The following SMYD3 variants were observed in gnomAD, a reference collection of about 807,000 sequenced individuals.
SMYD3 encodes the protein histone-lysine N-methyltransferase SMYD3.
SMYD3 carries 36 observed loss-of-function variants against 57.7 expected under a neutral mutation model. That is an observed-to-expected ratio of 0.62 (90% confidence interval 0.48 to 0.82). The LOEUF is 0.82. Ranked by LOEUF, SMYD3 falls within the 40% of genes least tolerant of loss-of-function variation. The pLI, the probability that SMYD3 is intolerant of heterozygous loss-of-function variation, is 0.00. For missense variants in SMYD3, 515 were observed against 538.8 expected, an observed-to-expected ratio of 0.96 and a Z score of 0.44; for synonymous variants, 211 against 195.0, an observed-to-expected ratio of 1.08 and a Z score of -0.68.
In SMYD3 at chr1:246,485,189, G is replaced by A. The variant is rs113353606; in HGVS notation, c.164+21865C>T. On this transcript the variant is annotated intron_variant, in intron 1 of 11. Transcript: ENST00000490107. ...CTATTGCACTAGTTACACCTGAAAA[G>A]ACATCACCTCAACCAAAATACCTAA... Among the ~76,000 whole-genome samples, 179 of 135,694 alleles carry A rather than the reference G, an allele frequency of 1.3e-3. 1 individual carries two copies. The highest frequency in any genetic ancestry group is 1.4e-3 in the East Asian group (6 of 4,378). The allele number at this position is 135,694 out of a possible 152,430, so 89.0% of individuals were successfully genotyped here.
intron 5 of SMYD3, among the ~76,000 whole-genome samples, chr1:246,234,084 C>T (rs1277301308): frequency 1.7e-4 from 19 of 114,632 alleles, no homozygotes; most frequent in East Asian, 1.1e-3. Context: ...CTTCAATTCA[C>T]ACTGTGATGA....
intron 1 of SMYD3, among the ~76,000 whole-genome samples, chr1:246,454,825 T>C (rs1380100829): frequency 2.0e-5 from 3 of 152,186 alleles, no homozygotes; most frequent in Non-Finnish European, 4.4e-5. Flanking sequence ...TAAGGGCAGC[T>C]GTTTAACAAT....
Position 245,997,189 on chromosome 1 carries a change from C to T in SMYD3, c.532-67252G>A, listed in dbSNP as rs149684656. Among the ~76,000 whole-genome samples the T allele has an allele frequency of 1.0e-2, 1,518 of 152,298 alleles. 35 individuals are homozygous for T. Among genetic ancestry groups the T allele is most frequent in the African/African-American group, 0.034 (1,426 of 41,562 alleles). Reference sequence around the variant, plus strand: ...ATTTAATGATGCCAAATATGGGGAACCCCTTTAGGGAGAGAAGCAAAAGGA... The same window carrying T: ...ATTTAATGATGCCAAATATGGGGAATCCCTTTAGGGAGAGAAGCAAAAGGA... On this transcript the variant is annotated intron_variant, in intron 5 of 11. Transcript: ENST00000490107.
chr1:245,813,412 G>A (rs1413450723), intron 10 of SMYD3, among the ~76,000 whole-genome samples: 2 of 152,176 alleles, frequency 1.3e-5, no homozygotes, highest in Non-Finnish European at 2.9e-5. Context: ...TGCAAGCACA[G>A]CAGCTGGCCT....
In SMYD3 at chr1:245,764,096, C is replaced by T; in HGVS notation, c.1130G>A (p.Gly377Asp). ...CATGCCTTGATGTAGCTGCAGTTTG[C>T]CAACTTTCATCACTTGAACCCCTCT... is the stretch of plus-strand genomic sequence containing the variant. ...PVRGVQVMKVGKLQLHQGMFP... is the reference protein window; with the variant it reads ...PVRGVQVMKVDKLQLHQGMFP... Residue 377 changes from glycine to aspartate, a missense_variant, in exon 11 of 12, where the codon GGC (glycine) becomes GAC (aspartate). Gly to Asp is a moderately conservative substitution (Grantham distance 94). Coordinates refer to ENST00000490107, the MANE Select transcript of SMYD3 (RefSeq NM_001167740.2). 1 of 1,614,046 alleles carries T rather than the reference C, an allele frequency of 6.2e-7. No homozygotes were observed. The highest frequency in any genetic ancestry group is 8.5e-7 in the Non-Finnish European group (1 of 1,179,984).
At chr1:245,963,082 G>T (rs1013380056) in intron 5 of SMYD3, among the ~76,000 whole-genome samples, 3 of 152,112 alleles carry the variant, frequency 2.0e-5, no homozygotes, top group African/African-American at 4.8e-5. Flanking sequence ...GATCTGGTAT[G>T]TAAGAAGCTT....
intron 5 of SMYD3, among the ~76,000 whole-genome samples, chr1:246,128,357 G>A (rs1038995031): frequency 6.6e-6 from 1 of 152,188 alleles, no homozygotes; most frequent in South Asian, 2.1e-4. Flanking sequence ...TCTATGAGGG[G>A]AGGAACTGTT....
intron 1 of SMYD3, among the ~76,000 whole-genome samples, chr1:246,394,034 G>A (rs1304865719): frequency 6.6e-6 from 1 of 152,102 alleles, no homozygotes; most frequent in Non-Finnish European, 1.5e-5. Context: ...AGAAAATAAA[G>A]AAAACCTAAT....
At chr1:245,812,715 A>AAG (rs1553330499) in intron 10 of SMYD3, among the ~76,000 whole-genome samples, 22 of 150,558 alleles carry the variant, frequency 1.5e-4, no homozygotes, top group Non-Finnish European at 2.8e-4. Context: ...AAAAAAAAAA[A>AAG]AGAGAAAGAG....
chr1:245,967,183 A>G (rs1280826975), intron 5 of SMYD3, among the ~76,000 whole-genome samples: 1 of 152,136 alleles, frequency 6.6e-6, no homozygotes, highest in East Asian at 1.9e-4. Flanking sequence ...CACAATTCTT[A>G]TTCTTACATG....
intron 10 of SMYD3, among the ~76,000 whole-genome samples, chr1:245,826,722 C>T (rs2049519263): frequency 6.6e-6 from 1 of 152,078 alleles, no homozygotes; most frequent in African/African-American, 2.4e-5. Flanking sequence ...GCTGGGGAGG[C>T]CTCAGGAAAC....
At chr1:246,327,017 T>A (rs1408588493) in intron 5 of SMYD3, 184 bp downstream of exon 5, 8 of 651,080 alleles carry the variant, frequency 1.2e-5, no homozygotes, top group Non-Finnish European at 1.8e-5. Context: ...ACAGAAAAAT[T>A]CATACCCTTC....
intron 5 of SMYD3, among the ~76,000 whole-genome samples, chr1:246,248,888 C>T: frequency 7.0e-6 from 1 of 142,748 alleles, no homozygotes; most frequent in South Asian, 2.3e-4. Flanking sequence ...AATCTCCTGA[C>T]CTCGTGACCC....
chr1:246,345,409 G>A (rs900665045), intron 2 of SMYD3, among the ~76,000 whole-genome samples: 1 of 152,056 alleles, frequency 6.6e-6, no homozygotes, highest in Non-Finnish European at 1.5e-5. Context: ...TCTGAATACA[G>A]GTTGAGTATG....
chr1:246,376,647 T>C (rs1470295872), intron 1 of SMYD3, among the ~76,000 whole-genome samples: 1 of 145,058 alleles, frequency 6.9e-6, no homozygotes, highest in Non-Finnish European at 1.5e-5. Flanking sequence ...AACATTACAA[T>C]GAACACATAC....
chr1:246,280,804 A>T, intron 5 of SMYD3, among the ~76,000 whole-genome samples: 1 of 152,198 alleles, frequency 6.6e-6, no homozygotes, highest in East Asian at 1.9e-4. Flanking sequence ...CATTTATCAG[A>T]TGCTTCAAGA....
intron 5 of SMYD3, among the ~76,000 whole-genome samples, chr1:246,067,721 G>GT (rs1274296553): frequency 1.3e-5 from 2 of 152,126 alleles, no homozygotes; most frequent in Admixed American, 1.3e-4. Context: ...CATTAAACAC[G>GT]TAACTGCACA....
chr1:245,870,829 G>C (rs1343211986), intron 8 of SMYD3, among the ~76,000 whole-genome samples: 1 of 27,222 alleles, frequency 3.7e-5, no homozygotes, highest in Non-Finnish European at 2.0e-4. Context: ...GGCTCTGTCA[G>C]GTTAAACACA....
chr1:246,314,986 T>C (rs951392744), intron 5 of SMYD3, among the ~76,000 whole-genome samples: 8 of 152,212 alleles, frequency 5.3e-5, no homozygotes, highest in African/African-American at 1.7e-4. Context: ...TCTTGAGCAC[T>C]TGGGCATCAA....
Sources: gnomAD v4.1 joint callset for allele counts (sites outside exome capture counted in the v4.1 genomes callset) on GRCh38, gnomAD v4.1.1 for gene constraint, MANE v1.5 for transcripts, NCBI Gene and HGNC (gene_info 2026-07-23, HGNC 2026-07-21) for gene names.